BIVM: variants seen among roughly 807,000 people sequenced by gnomAD.
BIVM encodes the protein basic, immunoglobulin-like variable motif containing, also known as basic immunoglobulin-like variable motif-containing protein.
In BIVM, 31 loss-of-function variants were observed where a neutral mutation model predicts 61.4. The ratio of observed to expected loss-of-function variants is 0.51; its 90% CI spans 0.38 to 0.68. BIVM has a LOEUF of 0.68. Among genes scored for constraint, BIVM ranks in the 30% least tolerant of loss-of-function variants. BIVM has a pLI of 0.00. For synonymous variants in BIVM, 189 were observed against 210.7 expected (o/e 0.90, Z 0.89); for missense variants, 526 against 596.0 (o/e 0.88, Z 1.22).
chr13:102,816,561 T>TTATC lies in BIVM; in HGVS notation c.605+8_605+11dup. The TTATC allele has an allele frequency of 6.0e-6, 9 of 1,498,010 alleles. No homozygotes were observed. The highest frequency in any genetic ancestry group is 7.1e-6 in the Non-Finnish European group (8 of 1,130,012). The allele number at this position is 1,498,010 out of a possible 1,614,324, so 92.8% of individuals were successfully genotyped here. The stretch of plus-strand genomic sequence containing the variant: ...TATTAGACCTCAGACGATGGTGATG[T>TTATC]TATCAGTTTTTATTTTTTTCATTTT... On this transcript the variant is annotated splice_region_variant and intron_variant, in intron 4 of 10. Coordinates refer to ENST00000257336, the MANE Select transcript of BIVM (RefSeq NM_017693.4).
intron 3 of BIVM, among the ~76,000 whole-genome samples, chr13:102,816,015 G>A (rs1251436167): frequency 6.6e-6 from 1 of 152,034 alleles, no homozygotes; most frequent in African/African-American, 2.4e-5. Context: ...TTTATAGAAA[G>A]CCTTCATTTT....
At chr13:102,834,732 A>C (rs115722296) in intron 9 of BIVM, among the ~76,000 whole-genome samples, 180 bp downstream of exon 9, 2 of 152,160 alleles carry the variant, frequency 1.3e-5, no homozygotes, top group East Asian at 3.9e-4. Flanking sequence ...ACTCCTATCA[A>C]TCTCCATAGA....
chr13:102,835,414 A>G (rs1881398734), intron 9 of BIVM, among the ~76,000 whole-genome samples: 1 of 152,186 alleles, frequency 6.6e-6, no homozygotes, highest in Non-Finnish European at 1.5e-5. Context: ...ATAATTGCAG[A>G]ACATTTTCAT....
rs746673201 is a variant in BIVM, at chr13:102,822,046, ATCT to A, written c.807-14_807-12del. ...GTTGTAGAATTGTTGCCATGAACAA[ATCT>A]TCTTGTTACTTTCAGGTGGTTTAGA... On this transcript the variant is annotated splice_polypyrimidine_tract_variant and intron_variant, in intron 6 of 10. Transcript: ENST00000257336. 10 of 1,609,792 alleles carry A rather than the reference ATCT, an allele frequency of 6.2e-6. No homozygotes were observed. Among genetic ancestry groups the A allele is most frequent in the South Asian group, 1.1e-5 (1 of 90,432 alleles).
At chr13:102,832,620 A>C (rs1216699253) in intron 8 of BIVM, among the ~76,000 whole-genome samples, 1 of 152,238 alleles carries the variant, frequency 6.6e-6, no homozygotes. Context: ...TGTCAAGAAG[A>C]TTGTCACAAC....
intron 5 of BIVM, 108 bp downstream of exon 5, chr13:102,821,240 C>A: frequency 2.1e-6 from 2 of 938,982 alleles, no homozygotes; most frequent in Non-Finnish European, 3.1e-6. Context: ...TTTAACAAAA[C>A]CCTGCTGTAT....
At chr13:102,821,702 T>G in intron 5 of BIVM, 41 bp from the exon 6 acceptor site, 1 of 1,589,894 alleles carries the variant, frequency 6.3e-7, no homozygotes, top group Non-Finnish European at 8.6e-7. Context: ...TGCGTATGAC[T>G]GGAATTGAAA....
At chr13:102,814,884 A>G (rs1879756913) in intron 3 of BIVM, among the ~76,000 whole-genome samples, 1 of 152,128 alleles carries the variant, frequency 6.6e-6, no homozygotes, top group African/African-American at 2.4e-5. Context: ...ACTTTGTTAA[A>G]AATACAAAAA....
At chr13:102,824,093 A>C (rs1880486926) in intron 7 of BIVM, among the ~76,000 whole-genome samples, 3 of 152,216 alleles carry the variant, frequency 2.0e-5, no homozygotes, top group Admixed American at 1.3e-4. Context: ...AGTTATTAGA[A>C]GGTATAATAA....
chr13:102,819,522 C>G (rs1880092757), intron 4 of BIVM, among the ~76,000 whole-genome samples: 1 of 152,112 alleles, frequency 6.6e-6, no homozygotes, highest in Admixed American at 6.5e-5. Flanking sequence ...GCTCGTGGCA[C>G]ACGTTCTCAC....
intron 7 of BIVM, among the ~76,000 whole-genome samples, chr13:102,829,131 A>T (rs1461078824): frequency 3.3e-5 from 5 of 152,130 alleles, no homozygotes. Context: ...AAGGTGTAAA[A>T]ATATACTCTA....
intron 9 of BIVM, among the ~76,000 whole-genome samples, chr13:102,835,682 A>G (rs1025154932): frequency 1.1e-4 from 16 of 152,206 alleles, no homozygotes; most frequent in Middle Eastern, 3.4e-3. Context: ...ACAGGCGCCC[A>G]CTATCACGCC....
At chr13:102,838,957 C>A (rs1267085407) in intron 10 of BIVM, among the ~76,000 whole-genome samples, 4 of 152,198 alleles carry the variant, frequency 2.6e-5, no homozygotes, top group Non-Finnish European at 5.9e-5. Flanking sequence ...GGAATGACAG[C>A]AAGGGCCAAG....
intron 3 of BIVM, among the ~76,000 whole-genome samples, chr13:102,813,771 T>C (rs1266984957): frequency 1.3e-5 from 2 of 152,236 alleles, no homozygotes; most frequent in African/African-American, 4.8e-5. Context: ...TTCTGTCTCC[T>C]TGGTACAGCT....
At chr13:102,822,184 C>T (rs1219371017) in intron 7 of BIVM, 25 bp downstream of exon 7, 3 of 1,575,830 alleles carry the variant, frequency 1.9e-6, no homozygotes, top group Non-Finnish European at 2.6e-6. Context: ...AGAAGATTTA[C>T]ATACACACAT....
intron 4 of BIVM, among the ~76,000 whole-genome samples, chr13:102,818,803 GA>G (rs1235295705): frequency 2.0e-5 from 3 of 152,168 alleles, no homozygotes; most frequent in African/African-American, 7.2e-5. Context: ...TTAGATTGAT[GA>G]AAAAGTATGA....
rs750867221 is a variant in BIVM at position 102,831,619 on chromosome 13, A to T, written c.956A>T (p.Tyr319Phe). Residue 319 changes from tyrosine (Y) to phenylalanine (F), a missense_variant, in exon 8 of 11, where the codon TAT (tyrosine) becomes TTT (phenylalanine). Transcript: ENST00000257336. ...GGATTGAAAGATGAATCGCTGGCTT[A>T]TATCTATCATTGCCAAAATCATTAT... is the stretch of plus-strand genomic sequence containing the variant. ...TRGLKDESLAYIYHCQNHYFC... is the reference protein window; with the variant it reads ...TRGLKDESLAFIYHCQNHYFC... The T allele has an allele frequency of 2.5e-6, 4 of 1,614,214 alleles. No individual in the cohort carries two copies. Among genetic ancestry groups the T allele is most frequent in the Non-Finnish European group, 3.4e-6 (4 of 1,180,044 alleles).
intron 7 of BIVM, among the ~76,000 whole-genome samples, chr13:102,828,621 C>G (rs1440209128): frequency 6.6e-6 from 1 of 152,232 alleles, no homozygotes; most frequent in Non-Finnish European, 1.5e-5. Flanking sequence ...TAACATACCC[C>G]TTTCCTCTTT....
At chr13:102,803,459 G>A (rs1328170972) in intron 1 of BIVM, among the ~76,000 whole-genome samples, 3 of 151,936 alleles carry the variant, frequency 2.0e-5, no homozygotes, top group African/African-American at 7.3e-5. Context: ...GCTGAGATCC[G>A]GCCATTGCAC....
Sources: gnomAD v4.1 joint callset for allele counts (sites outside exome capture counted in the v4.1 genomes callset) on GRCh38, gnomAD v4.1.1 for gene constraint, MANE v1.5 for transcripts, NCBI Gene and HGNC (gene_info 2026-07-23, HGNC 2026-07-21) for gene names.